CTNNA3: variants seen among roughly 807,000 people sequenced by gnomAD.
CTNNA3 encodes the protein catenin alpha 3.
In CTNNA3, 76 loss-of-function variants were observed where a neutral mutation model predicts 95.7. The ratio of observed to expected loss-of-function variants is 0.79; its 90% CI spans 0.66 to 0.96. The LOEUF is 0.96. CTNNA3 is among the 40% of genes least tolerant of loss of function. The pLI, the probability that CTNNA3 is intolerant of heterozygous loss-of-function variation, is 0.00. For synonymous variants in CTNNA3, 431 were observed against 374.4 expected, an observed-to-expected ratio of 1.15 and a Z score of -1.74; for missense variants, 1,191 against 1,089.8, an observed-to-expected ratio of 1.09 and a Z score of -1.31.
At chr10:66,532,822 C>T (rs185381156) in intron 10 of CTNNA3, among the ~76,000 whole-genome samples, 16 of 152,210 alleles carry the variant, frequency 1.1e-4, no homozygotes. Flanking sequence ...CAAATAGGGT[C>T]GAAATAGTTA....
intron 1 of CTNNA3, among the ~76,000 whole-genome samples, chr10:67,709,249 T>C (rs1356016670): frequency 6.6e-6 from 1 of 152,208 alleles, no homozygotes; most frequent in Non-Finnish European, 1.5e-5. Flanking sequence ...TCCTTTGATA[T>C]ACCTAAATGG....
At chr10:66,632,002 A>G (rs1564581071) in intron 9 of CTNNA3, among the ~76,000 whole-genome samples, 2 of 152,024 alleles carry the variant, frequency 1.3e-5, no homozygotes, top group South Asian at 4.1e-4. Flanking sequence ...ATAGCAGTAT[A>G]TATCTATTGA....
intron 12 of CTNNA3, among the ~76,000 whole-genome samples, chr10:66,328,933 T>C (rs182674482): frequency 0.029 from 3,397 of 115,304 alleles, 222 homozygotes; most frequent in African/African-American, 0.09. Flanking sequence ...TATATATATA[T>C]ACACACACAC....
chr10:66,871,351 G>T (rs922833039), intron 7 of CTNNA3, among the ~76,000 whole-genome samples: 2 of 151,948 alleles, frequency 1.3e-5, no homozygotes, highest in African/African-American at 2.4e-5. Flanking sequence ...CTGAGGTTGG[G>T]AGTTCGAGAC....
At chr10:66,658,226 TTCTCTC>T (rs10659165) in intron 9 of CTNNA3, among the ~76,000 whole-genome samples, 1 of 148,784 alleles carries the variant, frequency 6.7e-6, no homozygotes, top group Non-Finnish European at 1.5e-5. Flanking sequence ...CTCTCTCTCT[TTCTCTC>T]TCTCTCTCTC....
At chr10:67,712,570 T>C (rs1441868839) in intron 1 of CTNNA3, among the ~76,000 whole-genome samples, 5 of 152,230 alleles carry the variant, frequency 3.3e-5, no homozygotes, top group South Asian at 4.1e-4. Context: ...GGTCCGGCCA[T>C]GGCTTCAGAG....
intron 9 of CTNNA3, among the ~76,000 whole-genome samples, chr10:66,632,267 G>C (rs918550234): frequency 6.6e-6 from 1 of 151,912 alleles, no homozygotes; most frequent in Non-Finnish European, 1.5e-5. Context: ...TAAAAATGGG[G>C]AATGGGCTGG....
chr10:67,361,004 T>C (rs1842973914), intron 5 of CTNNA3, among the ~76,000 whole-genome samples: 1 of 148,848 alleles, frequency 6.7e-6, no homozygotes, highest in Non-Finnish European at 1.5e-5. Flanking sequence ...CTTTAAACCA[T>C]CTACAGTAAA....
intron 5 of CTNNA3, among the ~76,000 whole-genome samples, chr10:67,352,890 T>A (rs1842684862): frequency 6.6e-6 from 1 of 151,978 alleles, no homozygotes; most frequent in Admixed American, 6.6e-5. Flanking sequence ...TTTTCCTTCA[T>A]CCTTTTTATT....
intron 5 of CTNNA3, among the ~76,000 whole-genome samples, chr10:67,488,931 T>C (rs1848552891): frequency 6.6e-6 from 1 of 152,170 alleles, no homozygotes; most frequent in African/African-American, 2.4e-5. Flanking sequence ...AGATGTGGTT[T>C]CGCCATGTTG....
At chr10:66,529,305 T>C (rs944387906) in intron 10 of CTNNA3, among the ~76,000 whole-genome samples, 14 of 152,136 alleles carry the variant, frequency 9.2e-5, no homozygotes, top group African/African-American at 3.4e-4. Context: ...ATTTTGTTTG[T>C]ATTTTTAGTA....
At chr10:66,207,337 T>C (rs566064535) in intron 13 of CTNNA3, among the ~76,000 whole-genome samples, 22 of 152,068 alleles carry the variant, frequency 1.4e-4, no homozygotes, top group African/African-American at 4.3e-4. Flanking sequence ...AGGTCCGTCA[T>C]AGAAGAGATA....
At chr10:66,612,067 T>C (rs1238665669) in intron 10 of CTNNA3, among the ~76,000 whole-genome samples, 5 of 152,114 alleles carry the variant, frequency 3.3e-5, no homozygotes, top group Non-Finnish European at 5.9e-5. Context: ...TCCAATTTCT[T>C]CTAATATAAC....
At chr10:66,769,135 C>A (rs1589234170) in intron 8 of CTNNA3, among the ~76,000 whole-genome samples, 1 of 152,188 alleles carries the variant, frequency 6.6e-6, no homozygotes, top group Admixed American at 6.5e-5. Flanking sequence ...CTTATTACTC[C>A]CCTTTGCTTT....
chr10:66,495,398 G>A (rs1589332399), intron 11 of CTNNA3, among the ~76,000 whole-genome samples: 1 of 152,064 alleles, frequency 6.6e-6, no homozygotes, highest in African/African-American at 2.4e-5. Context: ...ATATAGGCTT[G>A]AACTTGGTGT....
At chr10:67,424,270 T>A (rs1218828252) in intron 5 of CTNNA3, among the ~76,000 whole-genome samples, 1 of 152,158 alleles carries the variant, frequency 6.6e-6, no homozygotes, top group African/African-American at 2.4e-5. Flanking sequence ...TTTTAAAAGA[T>A]AATAAAATTC....
intron 10 of CTNNA3, among the ~76,000 whole-genome samples, chr10:66,566,427 T>C (rs1589430739): frequency 6.6e-6 from 1 of 152,214 alleles, no homozygotes; most frequent in African/African-American, 2.4e-5. Flanking sequence ...ATTTTGATGG[T>C]AAGTCTGTGC....
At chr10:65,978,715 T>C (rs2078258394) in intron 16 of CTNNA3, among the ~76,000 whole-genome samples, 1 of 152,190 alleles carries the variant, frequency 6.6e-6, no homozygotes, top group East Asian at 1.9e-4. Context: ...TATTCAACTA[T>C]TTTTTCTCTT....
At chr10:67,630,563 T>C (rs1032513645) in intron 2 of CTNNA3, among the ~76,000 whole-genome samples, 1 of 152,164 alleles carries the variant, frequency 6.6e-6, no homozygotes, top group Non-Finnish European at 1.5e-5. Flanking sequence ...ACCTTGCTTA[T>C]GCTGACTAAT....
Sources: gnomAD v4.1 joint callset for allele counts (sites outside exome capture counted in the v4.1 genomes callset) on GRCh38, gnomAD v4.1.1 for gene constraint, MANE v1.5 for transcripts, NCBI Gene and HGNC (gene_info 2026-07-23, HGNC 2026-07-21) for gene names.